TMEM178B: variants seen among roughly 807,000 people sequenced by gnomAD.
TMEM178B encodes the protein transmembrane protein 178B.
In TMEM178B, 5 loss-of-function variants were observed where a neutral mutation model predicts 31.0. The observed-to-expected ratio is 0.16, with a 90% CI of 0.08 to 0.34. The LOEUF (loss-of-function observed/expected upper bound fraction) is 0.34, where lower values mean the gene tolerates loss of function less well. Among genes scored for constraint, TMEM178B ranks in the 10% least tolerant of loss-of-function variants. TMEM178B has a pLI of 1.00. For missense variants in TMEM178B, 275 were observed against 400.3 expected (o/e 0.69, Z 2.67); for synonymous variants, 164 against 164.0 (o/e 1.00, Z 0.00).
the TMEM178B span, among the ~76,000 whole-genome samples, chr7:141,500,082 T>C: frequency 6.6e-6 from 1 of 152,192 alleles, no homozygotes; most frequent in African/African-American, 2.4e-5. Context: ...TAAAACTGTG[T>C]ATAGAGGAGA....
At chr7:141,235,232 G>A (rs1797510028) in intron 2 of TMEM178B, among the ~76,000 whole-genome samples, 1 of 152,182 alleles carries the variant, frequency 6.6e-6, no homozygotes, top group African/African-American at 2.4e-5. Flanking sequence ...ATTTATTGTG[G>A]TAAGGAATAT....
chr7:141,341,846 C>T (rs1465711646), intron 2 of TMEM178B, among the ~76,000 whole-genome samples: 1 of 152,210 alleles, frequency 6.6e-6, no homozygotes, highest in African/African-American at 2.4e-5. Context: ...TGACCTGGGA[C>T]ACTTCCTACA....
intron 2 of TMEM178B, among the ~76,000 whole-genome samples, chr7:141,225,635 T>C (rs928834106): frequency 1.3e-5 from 2 of 152,230 alleles, no homozygotes; most frequent in Non-Finnish European, 1.5e-5. Context: ...CTTACATCTT[T>C]CTATTTTCCA....
At chr7:141,253,544 C>CTTTTTTTTT (rs34199017) in intron 2 of TMEM178B, among the ~76,000 whole-genome samples, 54 of 70,026 alleles carry the variant, frequency 7.7e-4, no homozygotes, top group Non-Finnish European at 9.7e-4. Context: ...ATTTTCCCTT[C>CTTTTTTTTT]TTTTTTTTTT....
the TMEM178B span, among the ~76,000 whole-genome samples, chr7:141,508,893 A>G: frequency 8.5e-5 from 13 of 152,200 alleles, no homozygotes; most frequent in African/African-American, 2.9e-4. Context: ...ATCAGCATCA[A>G]AACTCTAAGC....
chr7:141,484,702 C>T (rs1802528440), downstream of TMEM178B, among the ~76,000 whole-genome samples: 1 of 152,142 alleles, frequency 6.6e-6, no homozygotes, highest in Non-Finnish European at 1.5e-5. The surrounding 1 kb of genome is among the most constrained non-coding windows in gnomAD (Gnocchi z 4.8). Flanking sequence ...GGTGGGACTA[C>T]AGGTGCACAC....
chr7:141,097,381 A>G (rs1264826098), intron 1 of TMEM178B, among the ~76,000 whole-genome samples: 1 of 151,764 alleles, frequency 6.6e-6, no homozygotes, highest in African/African-American at 2.4e-5. Context: ...AAAAAAAAAA[A>G]AAAAAAAGAC....
intron 1 of TMEM178B, among the ~76,000 whole-genome samples, chr7:141,154,329 A>G (rs1334397502): frequency 2.6e-5 from 4 of 152,258 alleles, no homozygotes; most frequent in Non-Finnish European, 5.9e-5. Flanking sequence ...AGCCCATGCC[A>G]CATGGGTCGC....
chr7:141,442,483 TCTTTAGAAG>T (rs2116690302), intron 3 of TMEM178B, among the ~76,000 whole-genome samples: 1 of 152,268 alleles, frequency 6.6e-6, no homozygotes, highest in African/African-American at 2.4e-5. Flanking sequence ...TCCTTACACC[TCTTTAGAAG>T]CTGTTTGTAA....
chr7:141,236,893 G>A (rs889645914), intron 2 of TMEM178B, among the ~76,000 whole-genome samples: 1 of 152,184 alleles, frequency 6.6e-6, no homozygotes, highest in Non-Finnish European at 1.5e-5. Flanking sequence ...GAAAATACTT[G>A]CAACAAACAT....
chr7:141,092,423 T>G (rs1426601052), intron 1 of TMEM178B, among the ~76,000 whole-genome samples: 3 of 152,178 alleles, frequency 2.0e-5, no homozygotes, highest in Non-Finnish European at 4.4e-5. Flanking sequence ...CTGTGCAAAA[T>G]GTACTTATGT....
intron 2 of TMEM178B, among the ~76,000 whole-genome samples, chr7:141,307,885 A>G (rs1414875407): frequency 1.3e-5 from 2 of 152,204 alleles, no homozygotes; most frequent in Non-Finnish European, 2.9e-5. Context: ...GTTTGGTCAC[A>G]TTGTTAGAAA....
chr7:141,347,122 G>C (rs1799633864), intron 2 of TMEM178B, among the ~76,000 whole-genome samples: 2 of 152,086 alleles, frequency 1.3e-5, no homozygotes, highest in Non-Finnish European at 2.9e-5. Flanking sequence ...ATGATTCCTG[G>C]TAAGTCTGCA....
intron 1 of TMEM178B, among the ~76,000 whole-genome samples, chr7:141,165,934 GACTGTCCTTGT>G (rs1360706001): frequency 1.3e-5 from 2 of 152,350 alleles, no homozygotes; most frequent in African/African-American, 4.8e-5. Context: ...CATAGTGAGG[GACTGTCCTTGT>G]TAGCCACGGG....
At chr7:141,290,023 C>T (rs746177696) in intron 2 of TMEM178B, among the ~76,000 whole-genome samples, 3 of 152,206 alleles carry the variant, frequency 2.0e-5, no homozygotes, top group Non-Finnish European at 2.9e-5. Flanking sequence ...TGGAACAAGG[C>T]AGGGGCTAGT....
intron 2 of TMEM178B, among the ~76,000 whole-genome samples, chr7:141,241,606 A>AG (rs1168957232): frequency 6.6e-6 from 1 of 151,718 alleles, no homozygotes; most frequent in Admixed American, 6.6e-5. Flanking sequence ...AAAAAAAAAA[A>AG]AAAAAAAGAA....
intron 1 of TMEM178B, among the ~76,000 whole-genome samples, chr7:141,154,906 A>C (rs1190097150): frequency 6.6e-6 from 1 of 151,912 alleles, no homozygotes; most frequent in East Asian, 1.9e-4. Context: ...TTGTATTTTT[A>C]GTAGAGATGG....
chr7:141,200,611 C>T (rs1364455196), intron 1 of TMEM178B, among the ~76,000 whole-genome samples: 1 of 152,146 alleles, frequency 6.6e-6, no homozygotes, highest in East Asian at 1.9e-4. Context: ...TGGGTGAGCA[C>T]ACAGTGAGAA....
chr7:141,342,262 G>A (rs1799528159), intron 2 of TMEM178B, among the ~76,000 whole-genome samples: 1 of 152,166 alleles, frequency 6.6e-6, no homozygotes, highest in South Asian at 2.1e-4. Flanking sequence ...TAACTTATAA[G>A]CAAAGTGTTG....
Sources: allele counts gnomAD v4.1 joint callset (sites outside exome capture counted in the v4.1 genomes callset), GRCh38; gene constraint gnomAD v4.1.1; non-coding constraint Gnocchi (gnomAD v3.1); transcripts MANE v1.5; gene names NCBI Gene and HGNC (gene_info 2026-07-23, HGNC 2026-07-21).